The following MFN2 variants were observed in gnomAD, a reference collection of about 807,000 sequenced individuals.
The protein encoded by MFN2 is mitofusin-2.
In MFN2, 43 loss-of-function variants were observed where a neutral mutation model predicts 87.5. The observed-to-expected ratio is 0.49, with a 90% CI of 0.38 to 0.63. The LOEUF (loss-of-function observed/expected upper bound fraction) is 0.63, where lower values mean the gene tolerates loss of function less well. Among genes scored for constraint, MFN2 ranks in the 30% least tolerant of loss-of-function variants. MFN2 has a pLI of 0.00. For missense variants in MFN2, 743 were observed against 972.8 expected (o/e 0.76, Z 3.14); for synonymous variants, 337 against 359.9 (o/e 0.94, Z 0.72).
At chr1:11,988,388 CCA>C (rs1334170218) in intron 2 of MFN2, among the ~76,000 whole-genome samples, 1 of 150,330 alleles carries the variant, frequency 6.7e-6, no homozygotes, top group African/African-American at 2.5e-5. Flanking sequence ...CAGGCATAAC[CCA>C]CCATGCCTGG....
chr1:12,006,781 T>G, intron 16 of MFN2, 88 bp downstream of exon 16: 1 of 1,531,374 alleles, frequency 6.5e-7, no homozygotes. Context: ...GCCCCTGCAT[T>G]GGGCCACACT....
Position 12,004,556 on chromosome 1 carries a change from G to A in MFN2, c.1335G>A (p.Val445=). The A allele has an allele frequency of 6.2e-7, 1 of 1,614,134 alleles. No individual in the cohort carries two copies. The stretch of plus-strand genomic sequence containing the variant: ...AGATCAGGCGCCTCTCTGTACTGGT[G>A]GACGATTACCAGATGGACTTCCACC... ...AEEIRRLSVL[V]DDYQMDFHPS... The change falls in exon 13 of 19, where the codon GTG becomes GTA. Residue 445 remains valine (V), a synonymous_variant. Transcript: ENST00000235329. The surrounding 1 kb of genome is among the most constrained non-coding windows in gnomAD (Gnocchi z 4.2).
intron 4 of MFN2, among the ~76,000 whole-genome samples, chr1:11,995,480 A>G: frequency 6.6e-6 from 1 of 151,718 alleles, no homozygotes; most frequent in Admixed American, 6.6e-5. Context: ...TCAAAATACA[A>G]AAATTAGCCG....
At chr1:11,993,947 G>T (rs1638802673) in intron 4 of MFN2, among the ~76,000 whole-genome samples, 1 of 152,262 alleles carries the variant, frequency 6.6e-6, no homozygotes, top group South Asian at 2.1e-4. Context: ...AATGGAGTGT[G>T]AACCATTTCT....
chr1:11,993,401 G>A (rs915945187), intron 4 of MFN2, among the ~76,000 whole-genome samples: 1 of 152,004 alleles, frequency 6.6e-6, no homozygotes, highest in Non-Finnish European at 1.5e-5. Flanking sequence ...TACAGTGCAT[G>A]CATGTTAGGC....
At chr1:12,002,999 T>C (rs746995534) in intron 11 of MFN2, among the ~76,000 whole-genome samples, 4 of 152,214 alleles carry the variant, frequency 2.6e-5, no homozygotes, top group Non-Finnish European at 4.4e-5. Flanking sequence ...TCCTTGTTAG[T>C]ATGTGTAGTT....
chr1:12,009,094 G>A (rs1639573609), intron 17 of MFN2, among the ~76,000 whole-genome samples: 1 of 152,220 alleles, frequency 6.6e-6, no homozygotes, highest in Non-Finnish European at 1.5e-5. Flanking sequence ...CAGGCACTGG[G>A]CAGGTTGAGG....
intron 15 of MFN2, among the ~76,000 whole-genome samples, chr1:12,006,219 A>C (rs1639408046): frequency 1.3e-5 from 2 of 152,226 alleles, no homozygotes; most frequent in Admixed American, 1.3e-4. Flanking sequence ...CCTACATACG[A>C]CTATTTTAAA....
chr1:12,001,299 C>A (rs1351577360), intron 8 of MFN2, 102 bp from the exon 9 acceptor site: 3 of 1,502,996 alleles, frequency 2.0e-6, no homozygotes, highest in Non-Finnish European at 2.7e-6. Flanking sequence ...AGGCGTCAGC[C>A]ACCATGCCCA....
At chr1:12,007,825 A>G (rs1286597213) in intron 17 of MFN2, among the ~76,000 whole-genome samples, 2 of 151,692 alleles carry the variant, frequency 1.3e-5, no homozygotes, top group African/African-American at 4.9e-5. Flanking sequence ...TCATAGGACA[A>G]TAGTGGAGGG....
chr1:11,988,951 C>G (rs923057833), intron 2 of MFN2, among the ~76,000 whole-genome samples: 4 of 152,138 alleles, frequency 2.6e-5, no homozygotes, highest in African/African-American at 9.7e-5. Flanking sequence ...ATCCACCTGC[C>G]TCAACCTCCC....
At chr1:11,999,228 A>C in intron 8 of MFN2, 133 bp downstream of exon 8, 1 of 789,148 alleles carries the variant, frequency 1.3e-6, no homozygotes, top group Non-Finnish European at 2.2e-6. Context: ...TTCTCCAAAT[A>C]CTCTTCTGTG....
intron 5 of MFN2, 152 bp from the exon 6 acceptor site, chr1:11,997,145 C>T (rs898738905): frequency 2.6e-6 from 3 of 1,153,574 alleles, no homozygotes; most frequent in Non-Finnish European, 3.7e-6. Context: ...TTCTTATTGA[C>T]AACTCCCAGC....
At position 11,998,886 on chromosome 1, in the gene MFN2, C is replaced by T; in HGVS notation, c.708+8C>T. The T allele has an allele frequency of 2.5e-6, 4 of 1,613,290 alleles. No homozygotes were observed. The highest frequency in any genetic ancestry group is 3.4e-6 in the Non-Finnish European group (4 of 1,179,218). ...TCCACCCTGATGCAGACGGTAACTCCTCCTCTGCCTTCTCCCAAGCTCCCA... is the reference window on the plus strand; with the variant it reads ...TCCACCCTGATGCAGACGGTAACTCTTCCTCTGCCTTCTCCCAAGCTCCCA... On this transcript the variant is annotated splice_region_variant and intron_variant, in intron 7 of 18. Transcript: ENST00000235329.
chr1:11,987,458 C>T (rs1376681533), intron 2 of MFN2, among the ~76,000 whole-genome samples: 1 of 150,994 alleles, frequency 6.6e-6, no homozygotes, highest in African/African-American at 2.4e-5. Flanking sequence ...GGTGAAACCC[C>T]ACCTCTACTG....
At chr1:12,009,803 T>A in intron 18 of MFN2, 77 bp downstream of exon 18, 1 of 1,605,298 alleles carries the variant, frequency 6.2e-7, no homozygotes, top group Non-Finnish European at 8.5e-7. Flanking sequence ...CTGCTGGGCT[T>A]GCGTCTTGGG....
intron 8 of MFN2, among the ~76,000 whole-genome samples, chr1:12,000,235 C>T (rs1008017043): frequency 6.6e-6 from 1 of 152,030 alleles, no homozygotes; most frequent in African/African-American, 2.4e-5. Flanking sequence ...TCTTGTCACC[C>T]AGGCTGGAGT....
chr1:11,998,319 G>A (rs757558012), intron 6 of MFN2, among the ~76,000 whole-genome samples: 3 of 151,964 alleles, frequency 2.0e-5, no homozygotes. Flanking sequence ...AAGCTGAGGC[G>A]GGCAGATCAG....
chr1:11,997,250 C>T (rs1638951801), intron 5 of MFN2, 47 bp from the exon 6 acceptor site: 8 of 1,612,392 alleles, frequency 5.0e-6, no homozygotes, highest in Non-Finnish European at 5.9e-6. Context: ...AATCTCCTGG[C>T]CTGGTGGTTC....
Sources: gnomAD v4.1 joint callset for allele counts (sites outside exome capture counted in the v4.1 genomes callset) on GRCh38, gnomAD v4.1.1 for gene constraint, Gnocchi (gnomAD v3.1) non-coding constraint, MANE v1.5 for transcripts, NCBI Gene and HGNC (gene_info 2026-07-23, HGNC 2026-07-21) for gene names.